Variants in SBF2 observed in about 807,000 individuals in gnomAD.
SBF2 encodes the protein myotubularin-related protein 13.
A neutral mutation model predicts 225.2 loss-of-function variants in SBF2; 112 were observed. That is an observed-to-expected ratio of 0.50 (90% confidence interval 0.43 to 0.58). SBF2 has a LOEUF of 0.58. Ranked by LOEUF, SBF2 falls within the 20% of genes least tolerant of loss-of-function variation. SBF2 has a pLI of 0.00. For synonymous variants in SBF2, 763 were observed against 773.3 expected (o/e 0.99, Z 0.22); for missense variants, 1,996 against 2,206.2 (o/e 0.90, Z 1.91).
At chr11:10,288,308 G>C (rs1278239558) in intron 1 of SBF2, among the ~76,000 whole-genome samples, 2 of 152,206 alleles carry the variant, frequency 1.3e-5, no homozygotes, top group Non-Finnish European at 2.9e-5. Context: ...AACAAATGGA[G>C]GGTGAGCAAG....
At chr11:10,304,337 G>A (rs1360747202) in intron 1 of SBF2, among the ~76,000 whole-genome samples, 1 of 152,202 alleles carries the variant, frequency 6.6e-6, no homozygotes, top group Non-Finnish European at 1.5e-5. Flanking sequence ...AGGATTACAA[G>A]GAGGCAAAAT....
chr11:9,930,486 G>GGA (rs1864408883), intron 16 of SBF2, among the ~76,000 whole-genome samples: 1 of 152,156 alleles, frequency 6.6e-6, no homozygotes, highest in Admixed American at 6.5e-5. Context: ...TGAGAAGAGG[G>GGA]GAGAGTATCC....
At chr11:9,869,617 T>C (rs995283199) in intron 17 of SBF2, among the ~76,000 whole-genome samples, 1 of 152,212 alleles carries the variant, frequency 6.6e-6, no homozygotes, top group Non-Finnish European at 1.5e-5. Context: ...ATTATCTCAA[T>C]AGATGCAGAA....
intron 2 of SBF2, among the ~76,000 whole-genome samples, chr11:10,150,503 T>C (rs927149006): frequency 2.0e-5 from 3 of 152,164 alleles, no homozygotes; most frequent in Non-Finnish European, 4.4e-5. Context: ...AATGGAAATA[T>C]AATAATTTAA....
chr11:10,003,013 T>C (rs983570697), intron 6 of SBF2, among the ~76,000 whole-genome samples: 1 of 152,244 alleles, frequency 6.6e-6, no homozygotes. Flanking sequence ...AACTAACCCC[T>C]GCAGAGTCTG....
At position 10,271,952 on chromosome 11, in the gene SBF2, A is replaced by G; in HGVS notation, c.55+22063T>C. 2 of 637,356 alleles carry G rather than the reference A, an allele frequency of 3.1e-6. 1 individual carries two copies. Among genetic ancestry groups the G allele is most frequent in the South Asian group, 4.5e-5 (2 of 44,726 alleles). 39.5% of individuals were successfully genotyped at this position (637,356 alleles called of 1,614,324 possible). A position where few individuals can be genotyped will look rare whatever the true frequency, so the allele number is the denominator to read the frequency against. On this transcript the variant is annotated intron_variant, in intron 1 of 39. Coordinates refer to ENST00000256190, the MANE Select transcript of SBF2 (RefSeq NM_030962.4). The stretch of plus-strand genomic sequence containing the variant: ...GACCAGGCCACAGGAAAGGGCTGAA[A>G]TATCTCTAAAAGTTAGGTAAAAGTG...
At chr11:9,925,704 C>A (rs1406856179) in intron 16 of SBF2, among the ~76,000 whole-genome samples, 1 of 152,192 alleles carries the variant, frequency 6.6e-6, no homozygotes, top group Non-Finnish European at 1.5e-5. Context: ...CCACATGTGT[C>A]ACATAAAGAT....
At chr11:10,277,918 G>A (rs190168874) in intron 1 of SBF2, among the ~76,000 whole-genome samples, 15 of 152,164 alleles carry the variant, frequency 9.9e-5, no homozygotes, top group Non-Finnish European at 2.2e-4. Context: ...TGAGAGAATG[G>A]TGTTTGTTTT....
At chr11:10,226,306 T>C (rs1025852932) in intron 1 of SBF2, among the ~76,000 whole-genome samples, 1 of 152,192 alleles carries the variant, frequency 6.6e-6, no homozygotes, top group Admixed American at 6.5e-5. Context: ...GTTTTTTGCA[T>C]GTGGTACACA....
chr11:10,230,220 G>C (rs540043455), intron 1 of SBF2, among the ~76,000 whole-genome samples: 36 of 152,154 alleles, frequency 2.4e-4, no homozygotes, highest in African/African-American at 8.4e-4. Context: ...ATGTGAGATG[G>C]GTTTCCTGAA....
intron 16 of SBF2, among the ~76,000 whole-genome samples, chr11:9,955,979 T>A (rs888168420): frequency 5.9e-5 from 9 of 152,140 alleles, no homozygotes; most frequent in African/African-American, 2.2e-4. Flanking sequence ...ATAGTTGAAT[T>A]GTCCTTTTTT....
intron 1 of SBF2, among the ~76,000 whole-genome samples, chr11:10,204,051 C>T (rs776086729): frequency 1.3e-5 from 2 of 151,640 alleles, no homozygotes; most frequent in South Asian, 2.1e-4. Context: ...ATCCCAAACA[C>T]GAAGAACACA....
At chr11:9,918,197 A>G (rs1405900439) in intron 16 of SBF2, among the ~76,000 whole-genome samples, 2 of 146,696 alleles carry the variant, frequency 1.4e-5, no homozygotes, top group Non-Finnish European at 3.0e-5. Flanking sequence ...CTAACTTACT[A>G]CCTTTGGACT....
At chr11:9,782,176 CAAAAAATAAA>C (rs1479668925) in intron 38 of SBF2, among the ~76,000 whole-genome samples, 2 of 49,536 alleles carry the variant, frequency 4.0e-5, no homozygotes, top group African/African-American at 7.7e-5. Flanking sequence ...GACCCTGTCT[CAAAAAATAAA>C]AAAAAAAAAA....
chr11:10,194,221 T>C (rs1194769450), intron 1 of SBF2, among the ~76,000 whole-genome samples: 2 of 152,136 alleles, frequency 1.3e-5, no homozygotes, highest in African/African-American at 4.8e-5. Flanking sequence ...TTGAAAATAT[T>C]TGGGATGAAA....
intron 1 of SBF2, among the ~76,000 whole-genome samples, chr11:10,202,438 T>A (rs1162682100): frequency 6.6e-6 from 1 of 152,204 alleles, no homozygotes; most frequent in African/African-American, 2.4e-5. Context: ...TTCTTCACAC[T>A]AATTTCTCTG....
At chr11:9,998,743 T>C (rs1947817538) in intron 8 of SBF2, among the ~76,000 whole-genome samples, 1 of 152,226 alleles carries the variant, frequency 6.6e-6, no homozygotes, top group Non-Finnish European at 1.5e-5. Flanking sequence ...TGACAATGCC[T>C]GGGAGGATTC....
intron 2 of SBF2, among the ~76,000 whole-genome samples, chr11:10,122,200 C>A (rs1276494026): frequency 2.0e-5 from 3 of 152,176 alleles, no homozygotes; most frequent in African/African-American, 4.8e-5. Context: ...AAAAGAAATT[C>A]ATGCTAATGT....
At chr11:10,265,795 C>T (rs895419669) in intron 1 of SBF2, among the ~76,000 whole-genome samples, 2 of 152,164 alleles carry the variant, frequency 1.3e-5, no homozygotes, top group East Asian at 3.9e-4. Context: ...AAGCACTCCT[C>T]CCTCCTGCCT....
Sources: allele counts gnomAD v4.1 joint callset (sites outside exome capture counted in the v4.1 genomes callset), GRCh38; gene constraint gnomAD v4.1.1; transcripts MANE v1.5; gene names NCBI Gene and HGNC (gene_info 2026-07-23, HGNC 2026-07-21).